The following F5 variants were observed in gnomAD, a reference collection of about 807,000 sequenced individuals.
F5 encodes the protein coagulation factor V.
F5 carries 138 observed loss-of-function variants against 216.4 expected under a neutral mutation model. That is an observed-to-expected ratio of 0.64 (90% CI 0.56 to 0.73). F5 has a LOEUF of 0.73. Ranked by LOEUF, F5 falls within the 30% of genes least tolerant of loss-of-function variation. The probability of loss-of-function intolerance (pLI) is 0.00; values close to 1 mark genes in which losing one functional copy is unlikely to be tolerated. For missense variants in F5, 2,403 were observed against 2,674.0 expected, an observed-to-expected ratio of 0.90 and a Z score of 2.24; for synonymous variants, 916 against 930.7, an observed-to-expected ratio of 0.98 and a Z score of 0.29.
At chr1:169,525,034 C>T in intron 18 of F5, 126 bp from the exon 19 acceptor site, 1 of 746,142 alleles carries the variant, frequency 1.3e-6, no homozygotes, top group Non-Finnish European at 2.3e-6. Context: ...CTTGTGTGGC[C>T]CTGACTTAAA....
chr1:169,515,307 G>T, intron 24 of F5, 137 bp downstream of exon 24: 2 of 1,066,700 alleles, frequency 1.9e-6, no homozygotes, highest in Non-Finnish European at 2.9e-6. Flanking sequence ...TCTGAGACCA[G>T]GCACCTTAAG....
chr1:169,543,110 A>T lies in F5; in HGVS notation c.1980T>A (p.Thr660=). ...TAGAATTCATGGAAGTTAACATCCA[A>T]GTTCCTACAGAAGAGAGACAGACAG... ...SVTVTMDNVG[T]WMLTSMNSSP... Residue 660 remains threonine (T), a synonymous_variant, in exon 13 of 25, where the codon ACT becomes ACA. Coordinates refer to ENST00000367797, the MANE Select transcript of F5 (RefSeq NM_000130.5). 2 of 1,613,248 alleles carry T rather than the reference A, an allele frequency of 1.2e-6. No homozygotes were observed. Among genetic ancestry groups the T allele is most frequent in the Non-Finnish European group, 1.7e-6 (2 of 1,179,746 alleles).
intron 8 of F5, 28 bp from the exon 9 acceptor site, chr1:169,550,767 G>C: frequency 6.6e-7 from 1 of 1,505,634 alleles, no homozygotes; most frequent in South Asian, 1.1e-5. Context: ...ATTTATTCTA[G>C]GATTTAAGGT....
At position 169,543,008 on chromosome 1, in the gene F5, C is replaced by A; in HGVS notation, c.2082G>T (p.Glu694Asp). 1 of 1,614,068 alleles carries A rather than the reference C, an allele frequency of 6.2e-7. No homozygotes were observed. The highest frequency in any genetic ancestry group is 8.5e-7 in the Non-Finnish European group (1 of 1,179,964). The change falls in exon 13 of 25, where the codon GAG becomes GAT. Residue 694 changes from glutamate to aspartate, a missense_variant. By Grantham distance (45) the Glu-to-Asp change is conservative. Transcript: ENST00000367797. ...CIPDDDEDSYEIFEPPESTVM... is the reference protein window; with the variant it reads ...CIPDDDEDSYDIFEPPESTVM... ...CTGTAGATTCTGGAGGTTCAAAAAT[C>A]TCATATGAGTCTTCATCATCATCTG... is the stretch of plus-strand genomic sequence containing the variant.
Position 169,556,723 on chromosome 1 carries a change from G to A in F5, c.875C>T (p.Thr292Ile). Residue 292 changes from threonine (T) to isoleucine (I), a missense_variant, in exon 6 of 25, where the codon ACA (threonine) becomes ATA (isoleucine). Thr to Ile is a moderately conservative substitution (Grantham distance 89). This residue lies in a region of F5 where 1,425 missense variants were observed against 1,554.8 expected (regional missense o/e 0.92). Coordinates refer to ENST00000367797, the MANE Select transcript of F5 (RefSeq NM_000130.5). Reference sequence around the variant, plus strand: ...CACAGTCATATTTGCGGTAGTGGATGTAGCACTGACAAGGGTGATGGCTGA... The same window carrying A: ...CACAGTCATATTTGCGGTAGTGGATATAGCACTGACAAGGGTGATGGCTGA... The part of the protein sequence containing the change: ...KVSAITLVSA[T>I]STTANMTVGP... The A allele has an allele frequency of 6.2e-7, 1 of 1,614,136 alleles. No individual in the cohort carries two copies. Among genetic ancestry groups the A allele is most frequent in the African/African-American group, 1.3e-5 (1 of 75,038 alleles).
intron 2 of F5, among the ~76,000 whole-genome samples, chr1:169,572,809 C>T (rs995267914): frequency 1.3e-5 from 2 of 152,042 alleles, no homozygotes; most frequent in Non-Finnish European, 2.9e-5. Flanking sequence ...CTTGATGTAT[C>T]TAAGGAACAG....
At chr1:169,555,017 G>C (rs74124514) in intron 7 of F5, among the ~76,000 whole-genome samples, 165 bp downstream of exon 7, 1,606 of 152,252 alleles carry the variant, frequency 0.011, 27 homozygotes, top group African/African-American at 0.035. Context: ...AATTTCTTTG[G>C]TGATTTGGGG....
rs773849243 is a variant in F5, at chr1:169,560,562, C to G, written c.578G>C (p.Cys193Ser). ...NSGLIGPLLI[C>S]KKGTLTEGGT... ...GGTGGGGGTGTTCTTACCTTTTTTA[C>G]AGATAAGCAGGGGCCCAATCAGCCC... is the stretch of plus-strand genomic sequence containing the variant. The change falls in exon 4 of 25, where the codon TGT becomes TCT. Residue 193 changes from cysteine (C) to serine (S), a missense_variant. Cys to Ser is a moderately radical substitution (Grantham distance 112, BLOSUM62 -1). This residue lies in a region of F5 where 1,425 missense variants were observed against 1,554.8 expected (regional missense o/e 0.92). Transcript: ENST00000367797. 1.2e-5 allele frequency: 19 copies of G among 1,613,514 alleles called. No homozygotes were observed. Among genetic ancestry groups the G allele is most frequent in the Non-Finnish European group, 1.6e-5 (19 of 1,179,648 alleles).
At chr1:169,570,898 A>T (rs190907338) in intron 3 of F5, among the ~76,000 whole-genome samples, 20 of 152,256 alleles carry the variant, frequency 1.3e-4, no homozygotes, top group Non-Finnish European at 1.3e-4. Context: ...ACAGATGAGA[A>T]AGATGAGGCA....
intron 1 of F5, among the ~76,000 whole-genome samples, chr1:169,583,293 G>T (rs963179382): frequency 7.2e-5 from 11 of 152,208 alleles, no homozygotes; most frequent in African/African-American, 2.7e-4. Flanking sequence ...AAGAGAATTT[G>T]GAGAAAATAC....
intron 14 of F5, among the ~76,000 whole-genome samples, chr1:169,533,836 T>C (rs1659642601): frequency 6.6e-6 from 1 of 152,118 alleles, no homozygotes; most frequent in Admixed American, 6.6e-5. Context: ...TGGGGGTTTC[T>C]CAAAGAATTT....
Position 169,541,941 on chromosome 1 carries a change from G to A in F5, c.3149C>T (p.Pro1050Leu), listed in dbSNP as rs761897827. ...TGTGTTGTAGGCTTCACTTCTTAGA[G>A]GGTGAAAGGTCCTCGGAGATAAAGG... ...HAPLSPRTFH[P>L]LRSEAYNTFS... Residue 1050 changes from proline (P) to leucine (L), a missense_variant, in exon 13 of 25, where the codon CCT (proline) becomes CTT (leucine). Physicochemically the swap from Pro to Leu is moderately conservative, Grantham distance 98. This residue lies in a region of F5 where 1,425 missense variants were observed against 1,554.8 expected (regional missense o/e 0.92). Transcript: ENST00000367797. The A allele has an allele frequency of 1.2e-6, 2 of 1,614,104 alleles. No homozygotes were observed. Among genetic ancestry groups the A allele is most frequent in the South Asian group, 1.1e-5 (1 of 91,084 alleles).
At chr1:169,572,168 T>C (rs1051283385) in intron 3 of F5, 53 bp downstream of exon 3, 1 of 1,558,412 alleles carries the variant, frequency 6.4e-7, no homozygotes, top group Non-Finnish European at 8.8e-7. Flanking sequence ...TTGATGCTGG[T>C]ATTAAAGACT....
In F5 at chr1:169,541,017, G is replaced by T. The variant is rs1360017007; in HGVS notation, c.4073C>A (p.Ser1358Tyr). 6.3e-7 allele frequency: 1 copy of T among 1,592,030 alleles called. No individual in the cohort carries two copies. ...LSPALGQMPLSPDPSHTTLSL... is the reference protein window; with the variant it reads ...LSPALGQMPLYPDPSHTTLSL... ...AAGGGTTGTATGGCTGGGGTCTGGA[G>T]AAAGGGGCATCTGACCGAGGGCTGG... is the stretch of plus-strand genomic sequence containing the variant. The change falls in exon 13 of 25, where the codon TCT (serine) becomes TAT (tyrosine). Residue 1358 changes from serine to tyrosine, a missense_variant. This residue lies in a region of F5 where 293 missense variants were observed against 270.8 expected (regional missense o/e 1.08). Coordinates refer to ENST00000367797, the MANE Select transcript of F5 (RefSeq NM_000130.5).
chr1:169,521,311 G>A (rs906099172), intron 21 of F5, among the ~76,000 whole-genome samples: 3 of 152,100 alleles, frequency 2.0e-5, no homozygotes, highest in Non-Finnish European at 2.9e-5. Flanking sequence ...AGGGATTTAG[G>A]GCTTTCATCT....
chr1:169,518,174 T>C (rs1160343746), intron 23 of F5, among the ~76,000 whole-genome samples: 1 of 152,184 alleles, frequency 6.6e-6, no homozygotes, highest in Non-Finnish European at 1.5e-5. Context: ...TGCTTATTAT[T>C]GGTTTAAATC....
At position 169,515,309 on chromosome 1, in the gene F5, C is replaced by T. The variant is rs940758964; in HGVS notation, c.6528+135G>A. On this transcript the variant is annotated intron_variant, in intron 24 of 24. Coordinates refer to ENST00000367797, the MANE Select transcript of F5 (RefSeq NM_000130.5). ...AACCAGGAGTTTGTCTGAGACCAGG[C>T]ACCTTAAGAACTAAGATTTAGAAGA... The T allele has an allele frequency of 4.6e-6, 5 of 1,077,694 alleles. No homozygotes were observed. In the African/African-American group the frequency reaches 7.7e-5, roughly 17 times the overall value. The allele number at this position is 1,077,694 out of a possible 1,614,324, so 66.8% of individuals were successfully genotyped here. A position where few individuals can be genotyped will look rare whatever the true frequency, so the allele number is the denominator to read the frequency against.
At chr1:169,547,373 A>G (rs1271671260) in intron 10 of F5, among the ~76,000 whole-genome samples, 1 of 152,258 alleles carries the variant, frequency 6.6e-6, no homozygotes, top group Non-Finnish European at 1.5e-5. Context: ...GCTCCTGCAC[A>G]GCAAAAGAAA....
At chr1:169,578,548 C>T (rs1660914521) in intron 2 of F5, among the ~76,000 whole-genome samples, 1 of 152,206 alleles carries the variant, frequency 6.6e-6, no homozygotes, top group Admixed American at 6.5e-5. Flanking sequence ...TTGGCAAAAG[C>T]CACAAAAGGT....
Sources: gnomAD v4.1 joint callset for allele counts (sites outside exome capture counted in the v4.1 genomes callset) on GRCh38, gnomAD v4.1.1 for gene constraint, gnomAD v4.1.1 regional missense constraint, MANE v1.5 for transcripts, NCBI Gene and HGNC (gene_info 2026-07-23, HGNC 2026-07-21) for gene names.